DNAJA1: variants seen among roughly 807,000 people sequenced by gnomAD.
DNAJA1 encodes the protein dnaJ homolog subfamily A member 1.
In DNAJA1, 26 loss-of-function variants were observed where a neutral mutation model predicts 47.6. The observed-to-expected ratio is 0.55, with a 90% CI of 0.40 to 0.76. DNAJA1 has a LOEUF of 0.76. Among genes scored for constraint, DNAJA1 ranks in the 30% least tolerant of loss-of-function variants. The probability of loss-of-function intolerance (pLI) is 0.00; values close to 1 mark genes in which losing one functional copy is unlikely to be tolerated. For synonymous variants in DNAJA1, 165 were observed against 158.4 expected, an observed-to-expected ratio of 1.04 and a Z score of -0.31; for missense variants, 315 against 485.0, an observed-to-expected ratio of 0.65 and a Z score of 3.29.
chr9:33,036,878 G>C, intron 7 of DNAJA1, 137 bp from the exon 8 acceptor site: 1 of 857,514 alleles, frequency 1.2e-6, no homozygotes, highest in Non-Finnish European at 1.8e-6. Flanking sequence ...AAACCCATAA[G>C]TGAAAGGTAA....
intron 4 of DNAJA1, among the ~76,000 whole-genome samples, 192 bp from the exon 5 acceptor site, chr9:33,030,248 T>G (rs374062126): frequency 1.5e-5 from 2 of 133,176 alleles, no homozygotes; most frequent in South Asian, 2.3e-4. Flanking sequence ...ATAAGTAAAA[T>G]TTATTGGAAA....
In DNAJA1 at chr9:33,026,795, T is replaced by A. The variant is rs1838873818; in HGVS notation, c.133-18T>A. The A allele has an allele frequency of 1.2e-6, 2 of 1,603,468 alleles. No individual in the cohort carries two copies. The highest frequency in any genetic ancestry group is 1.4e-5 in the African/African-American group (1 of 74,018). On this transcript the variant is annotated intron_variant, in intron 2 of 8. Coordinates refer to ENST00000330899, the MANE Select transcript of DNAJA1 (RefSeq NM_001539.4). ...TTGTTTTTTAAAAAATGAAATTCAC[T>A]CCTCTTTTCTCAAACAGTTTAAACA...
At chr9:33,037,988 T>A (rs1394143610) in intron 8 of DNAJA1, among the ~76,000 whole-genome samples, 1 of 148,670 alleles carries the variant, frequency 6.7e-6, no homozygotes, top group Non-Finnish European at 1.5e-5. Flanking sequence ...CATAAAAATA[T>A]TAATTAAAAC....
chr9:33,026,836 C>G lies in DNAJA1; in HGVS notation c.156C>G (p.Tyr52Ter). ...GEKFKQISQA[Y>*]EVLSDAKKRE... is the part of the protein sequence containing the mutation. The stretch of plus-strand genomic sequence containing the variant: ...AGTTTAAACAGATTTCTCAAGCTTA[C>G]GAAGTTCTCTCTGATGCAAAGAAAA... The change falls in exon 3 of 9, where the codon TAC (tyrosine) becomes TAG (stop). Residue 52 changes from tyrosine (Y) to a stop codon, truncating the protein, a stop_gained. Coordinates refer to ENST00000330899, the MANE Select transcript of DNAJA1 (RefSeq NM_001539.4). LOFTEE classifies it high-confidence loss of function. 1.2e-6 allele frequency: 2 copies of G among 1,613,758 alleles called. No individual in the cohort carries two copies. The highest frequency in any genetic ancestry group is 1.7e-6 in the Non-Finnish European group (2 of 1,179,940).
intron 5 of DNAJA1, among the ~76,000 whole-genome samples, chr9:33,033,094 A>C (rs1338148093): frequency 6.6e-6 from 1 of 152,016 alleles, no homozygotes; most frequent in Non-Finnish European, 1.5e-5. Context: ...GTTATGTTCT[A>C]AGAGACGTTG....
chr9:33,039,147 A>T lies in DNAJA1; in HGVS notation c.*244A>T. ...GTAAAAACTACAAAGAAGTTCCCCT[A>T]GCATTTCTAGGCCAAACCTTGTAAT... On this transcript the variant is annotated 3_prime_UTR_variant, in exon 9 of 9. Transcript: ENST00000330899. 2.1e-6 allele frequency: 1 copy of T among 484,130 alleles called. No homozygotes were observed. 30.0% of individuals were successfully genotyped at this position (484,130 alleles called of 1,614,324 possible).
intron 8 of DNAJA1, 177 bp downstream of exon 8, chr9:33,037,292 G>C: frequency 1.9e-5 from 7 of 359,446 alleles, no homozygotes; most frequent in Non-Finnish European, 3.5e-5. Flanking sequence ...GGGCAACATA[G>C]TGAAACCCTG....
At position 33,039,370 on chromosome 9, in the gene DNAJA1, C is replaced by G. The variant is rs975144598; in HGVS notation, c.*467C>G. ...AGTGGGATTCATTGTAATGCCTCTGCATTTATTCTGTTGCCTCAGCTGTTA... is the reference window on the plus strand; with the variant it reads ...AGTGGGATTCATTGTAATGCCTCTGGATTTATTCTGTTGCCTCAGCTGTTA... On this transcript the variant is annotated 3_prime_UTR_variant, in exon 9 of 9. Coordinates refer to ENST00000330899, the MANE Select transcript of DNAJA1 (RefSeq NM_001539.4). 30 of 152,868 alleles carry G rather than the reference C, an allele frequency of 2.0e-4. No individual in the cohort carries two copies. Among genetic ancestry groups the G allele is most frequent in the African/African-American group, 6.5e-4 (27 of 41,372 alleles). 9.5% of individuals were successfully genotyped at this position (152,868 alleles called of 1,614,324 possible).
At position 33,039,083 on chromosome 9, in the gene DNAJA1, G is replaced by A. The variant is rs534448067; in HGVS notation, c.*180G>A. The stretch of plus-strand genomic sequence containing the variant: ...TAAAAGCTCTGATTTTGCCCTGTAT[G>A]TATGATGACTTCAGTGTGCAAGATG... On this transcript the variant is annotated 3_prime_UTR_variant, in exon 9 of 9. Transcript: ENST00000330899. The A allele has an allele frequency of 7.7e-5, 48 of 621,790 alleles. 1 individual carries two copies. In the South Asian group the frequency reaches 9.1e-4, roughly 12 times the overall value. The allele number at this position is 621,790 out of a possible 1,614,324, so 38.5% of individuals were successfully genotyped here. A position where few individuals can be genotyped will look rare whatever the true frequency, so the allele number is the denominator to read the frequency against.
intron 5 of DNAJA1, among the ~76,000 whole-genome samples, chr9:33,033,092 C>T (rs996317366): frequency 3.4e-4 from 51 of 150,870 alleles, no homozygotes; most frequent in African/African-American, 1.2e-3. Flanking sequence ...GAGTTATGTT[C>T]TAAGAGACGT....
chr9:33,034,448 G>A, intron 6 of DNAJA1, 118 bp downstream of exon 6: 2 of 728,560 alleles, frequency 2.7e-6, no homozygotes, highest in Admixed American at 5.9e-5. Context: ...TATTTCTCAG[G>A]AAGATTGTTA....
chr9:33,032,345 T>A (rs1838974415), intron 5 of DNAJA1, among the ~76,000 whole-genome samples: 1 of 152,220 alleles, frequency 6.6e-6, no homozygotes, highest in South Asian at 2.1e-4. Context: ...TGCCTAAGGT[T>A]TATACTTTGA....
At chr9:33,026,676 C>A (rs909391720) in intron 2 of DNAJA1, 60 bp downstream of exon 2, 3 of 1,568,604 alleles carry the variant, frequency 1.9e-6, no homozygotes, top group Middle Eastern at 1.7e-4. Flanking sequence ...TATAGTATTT[C>A]TATTATGGCC....
rs761729873 is a variant in DNAJA1 at position 33,037,172 on chromosome 9, TA to T, written c.975+63del. On this transcript the variant is annotated intron_variant, in intron 8 of 8. Transcript: ENST00000330899. Reference sequence around the variant, plus strand: ...GAACAATTGGCTTACTAAAATCTGATAAAAAAGTAAAATTTCAGCCAGGTGC... The same window carrying T: ...GAACAATTGGCTTACTAAAATCTGATAAAAAGTAAAATTTCAGCCAGGTGC... The T allele has an allele frequency of 2.8e-5, 42 of 1,517,966 alleles. No homozygotes were observed. In the South Asian group the frequency reaches 4.8e-4, roughly 17 times the overall value. 94.0% of individuals were successfully genotyped at this position (1,517,966 alleles called of 1,614,324 possible).
intron 4 of DNAJA1, 77 bp downstream of exon 4, chr9:33,030,066 T>C (rs1838936813): frequency 7.5e-7 from 1 of 1,337,890 alleles, no homozygotes; most frequent in East Asian, 2.4e-5. Flanking sequence ...AGCTAAGACT[T>C]CTAGATAGAT....
intron 6 of DNAJA1, 29 bp from the exon 7 acceptor site, chr9:33,036,545 A>G: frequency 6.8e-7 from 1 of 1,472,894 alleles, no homozygotes. Flanking sequence ...TGATTTGAAA[A>G]ATATAAATAT....
chr9:33,028,025 C>CAAAAAAAAAAAAAA (rs144327341), intron 3 of DNAJA1, among the ~76,000 whole-genome samples: 2 of 77,918 alleles, frequency 2.6e-5, no homozygotes, highest in Non-Finnish European at 2.5e-5. Context: ...ACTCTTGTCT[C>CAAAAAAAAAAAAAA]AAAAAAAAAA....
At chr9:33,028,012 G>A (rs192035592) in intron 3 of DNAJA1, among the ~76,000 whole-genome samples, 32 of 121,812 alleles carry the variant, frequency 2.6e-4, no homozygotes, top group African/African-American at 8.9e-4. Flanking sequence ...GCAACACAGC[G>A]AGACTCTTGT....
At chr9:33,033,745 G>T (rs1259587785) in intron 5 of DNAJA1, among the ~76,000 whole-genome samples, 1 of 152,174 alleles carries the variant, frequency 6.6e-6, no homozygotes, top group African/African-American at 2.4e-5. Context: ...TACTACAATA[G>T]AAGGGTCTTG....
Sources: allele counts gnomAD v4.1 joint callset (sites outside exome capture counted in the v4.1 genomes callset), GRCh38; gene constraint gnomAD v4.1.1; transcripts MANE v1.5; gene names NCBI Gene and HGNC (gene_info 2026-07-23, HGNC 2026-07-21).